C14orf93: variants seen among roughly 807,000 people sequenced by gnomAD.
C14orf93 encodes uncharacterized protein C14orf93.
Under a neutral mutation model 44.0 loss-of-function variants are expected in C14orf93, and 23 were observed. The ratio of observed to expected loss-of-function variants is 0.52; its 90% confidence interval spans 0.38 to 0.74. The LOEUF is 0.74. Ranked by LOEUF, C14orf93 falls within the 30% of genes least tolerant of loss-of-function variation. The probability of loss-of-function intolerance (pLI) is 0.00; values close to 1 mark genes in which losing one functional copy is unlikely to be tolerated. For missense variants in C14orf93, 579 were observed against 678.9 expected (o/e 0.85, Z 1.64); for synonymous variants, 253 against 265.7 (o/e 0.95, Z 0.46).
chr14:22,991,712 AGG>A (rs1175131323), intron 3 of C14orf93, among the ~76,000 whole-genome samples: 1 of 151,304 alleles, frequency 6.6e-6, no homozygotes, highest in Non-Finnish European at 1.5e-5. Flanking sequence ...CTGGGACTAC[AGG>A]TGCACCACCA....
Position 22,998,705 on chromosome 14 carries a change from T to C in C14orf93, c.319A>G (p.Ile107Val). 1 of 1,614,216 alleles carries C rather than the reference T, an allele frequency of 6.2e-7. No individual in the cohort carries two copies. The highest frequency in any genetic ancestry group is 1.1e-5 in the South Asian group (1 of 91,088). The change falls in exon 2 of 7, where the codon ATC becomes GTC. Residue 107 changes from isoleucine (I) to valine (V), a missense_variant. Transcript: ENST00000299088. ...CGGCTTTCCCCATCTTCATCAGGGATGGACACTTTCCCTTGCCTCAGGTCA... is the reference window on the plus strand; with the variant it reads ...CGGCTTTCCCCATCTTCATCAGGGACGGACACTTTCCCTTGCCTCAGGTCA... The part of the protein sequence containing the change: ...VGDLRQGKVS[I>V]PDEDGESRAH...
At position 22,996,024 on chromosome 14, in the gene C14orf93, C is replaced by G. The variant is rs574783130; in HGVS notation, c.842G>C (p.Gly281Ala). The change falls in exon 3 of 7, where the codon GGG becomes GCG. Residue 281 changes from glycine (G) to alanine (A), a missense_variant. Physicochemically the swap from Gly to Ala is moderately conservative, Grantham distance 60. Coordinates refer to ENST00000299088, the MANE Select transcript of C14orf93 (RefSeq NM_021944.4). This position sits in a 1 kb window ranked among gnomAD's most constrained non-coding sequence, Gnocchi z 4.1. Reference protein sequence around the residue: ...GSTGELRHSLGLTVSPCRTRG... With the variant: ...GSTGELRHSLALTVSPCRTRG... Reference sequence around the variant, plus strand: ...GGTCCTGCATGGGGAAACGGTCAGCCCTAGAGAGTGTCTCAGCTCCCCAGT... The same window carrying G: ...GGTCCTGCATGGGGAAACGGTCAGCGCTAGAGAGTGTCTCAGCTCCCCAGT... The G allele has an allele frequency of 3.7e-6, 6 of 1,614,132 alleles. No homozygotes were observed. The highest frequency in any genetic ancestry group is 5.1e-6 in the Non-Finnish European group (6 of 1,180,018).
intron 1 of C14orf93, among the ~76,000 whole-genome samples, chr14:22,999,695 T>A (rs138515252): frequency 8.5e-5 from 13 of 152,224 alleles, no homozygotes; most frequent in Non-Finnish European, 1.3e-4. Context: ...TTTTAACTGA[T>A]ACCACTTTTT....
At position 22,998,469 on chromosome 14, in the gene C14orf93, C is replaced by T. The variant is rs1480171621; in HGVS notation, c.555G>A (p.Gly185=). ...PATQRDMRLP[G]CTLAASEAAP... is the part of the protein sequence containing the mutation. ...CCGCCTCGCTGGCAGCCAGCGTGCA[C>T]CCTGGGAGCCGCATGTCCCTCTGAG... Residue 185 remains glycine, a synonymous_variant, in exon 2 of 7, where the codon GGG becomes GGA. Coordinates refer to ENST00000299088, the MANE Select transcript of C14orf93 (RefSeq NM_021944.4). 2 of 1,607,018 alleles carry T rather than the reference C, an allele frequency of 1.2e-6. No homozygotes were observed. Among genetic ancestry groups the T allele is most frequent in the Non-Finnish European group, 1.7e-6 (2 of 1,176,750 alleles).
rs566757021 is a variant in C14orf93, at chr14:22,992,969, TC to T, written c.919-2843del. 2.9e-3 allele frequency among the ~76,000 whole-genome samples: 436 copies of T among 152,244 alleles called. 2 individuals are homozygous for T. The highest frequency in any genetic ancestry group is 9.9e-3 in the African/African-American group (411 of 41,542). On this transcript the variant is annotated intron_variant, in intron 3 of 6. Coordinates refer to ENST00000299088, the MANE Select transcript of C14orf93 (RefSeq NM_021944.4). ...GTCTCAGCTCACTGCAACCTCCGCC[TC>T]CCAGGTTCAAGTGATTCTCCTACCT...
chr14:22,995,405 C>G (rs111745486), intron 3 of C14orf93, among the ~76,000 whole-genome samples: 510 of 152,302 alleles, frequency 3.3e-3, no homozygotes, highest in African/African-American at 7.0e-3. Flanking sequence ...GAAGGCTGGG[C>G]ATGGTGGCTC....
In C14orf93 at chr14:22,988,026, GGGAA is replaced by G. The variant is rs768949569; in HGVS notation, c.1085-15_1085-12del. 15 of 1,585,312 alleles carry G rather than the reference GGGAA, an allele frequency of 9.5e-6. No homozygotes were observed. Among genetic ancestry groups the G allele is most frequent in the African/African-American group, 1.3e-5 (1 of 74,182 alleles). ...AGGCCACACAGGCTCCTGGCGGGGA[GGGAA>G]GGAAGGGAGCAAGAAGGAGGGTCCT... On this transcript the variant is annotated splice_polypyrimidine_tract_variant and intron_variant, in intron 5 of 6. Coordinates refer to ENST00000299088, the MANE Select transcript of C14orf93 (RefSeq NM_021944.4).
intron 5 of C14orf93, among the ~76,000 whole-genome samples, chr14:22,989,386 A>G (rs1453063116): frequency 1.3e-5 from 2 of 152,220 alleles, no homozygotes; most frequent in Non-Finnish European, 2.9e-5. Context: ...CTGGGAAATA[A>G]TATTTAGGGA....
At chr14:23,002,600 T>C (rs1395135149) in intron 1 of C14orf93, 1 of 152,240 alleles carries the variant, frequency 6.6e-6, no homozygotes, top group Non-Finnish European at 1.5e-5. Flanking sequence ...ACATAATATA[T>C]GTAAGGCACC....
chr14:22,999,236 G>T lies in C14orf93; in HGVS notation c.-213C>A. The stretch of plus-strand genomic sequence containing the variant: ...TCCTCGGCCTGCAGAAGGGAGACAG[G>T]TGCCTTCTATTTGCAGATCCTGTGC... On this transcript the variant is annotated 5_prime_UTR_variant, in exon 2 of 7. Transcript: ENST00000299088. 1 of 628,316 alleles carries T rather than the reference G, an allele frequency of 1.6e-6. No homozygotes were observed. The highest frequency in any genetic ancestry group is 2.6e-6 in the Non-Finnish European group (1 of 386,096). The allele number at this position is 628,316 out of a possible 1,614,324, so 38.9% of individuals were successfully genotyped here. A position where few individuals can be genotyped will look rare whatever the true frequency, so the allele number is the denominator to read the frequency against.
At chr14:23,000,877 G>A (rs1389127312) in intron 1 of C14orf93, 2 of 152,150 alleles carry the variant, frequency 1.3e-5, no homozygotes, top group Non-Finnish European at 2.9e-5. Context: ...TTAATTACAT[G>A]TGGTTATTAA....
At chr14:23,001,449 TC>T (rs1274843033) in intron 1 of C14orf93, among the ~76,000 whole-genome samples, 1 of 152,060 alleles carries the variant, frequency 6.6e-6, no homozygotes, top group East Asian at 1.9e-4. Flanking sequence ...CTCAAGCTCT[TC>T]CCCTCTCTTT....
intron 1 of C14orf93, among the ~76,000 whole-genome samples, chr14:23,007,686 C>T (rs1418604705): frequency 6.6e-6 from 1 of 152,034 alleles, no homozygotes; most frequent in Non-Finnish European, 1.5e-5. Context: ...GGATATGACC[C>T]TACGTTCCTG....
At chr14:23,000,243 T>C (rs1481267261) in intron 1 of C14orf93, 1 of 152,134 alleles carries the variant, frequency 6.6e-6, no homozygotes, top group Non-Finnish European at 1.5e-5. Flanking sequence ...GGTAAAGAAG[T>C]TGATTTGTAC....
In C14orf93 at chr14:22,998,627, C is replaced by T; in HGVS notation, c.397G>A (p.Glu133Lys). 1 of 1,613,970 alleles carries T rather than the reference C, an allele frequency of 6.2e-7. No individual in the cohort carries two copies. The highest frequency in any genetic ancestry group is 8.5e-7 in the Non-Finnish European group (1 of 1,179,824). Residue 133 changes from glutamate (E) to lysine (K), a missense_variant, in exon 2 of 7, where the codon GAA (glutamate) becomes AAA (lysine). Glu to Lys is a moderately conservative substitution (Grantham distance 56, BLOSUM62 1). Coordinates refer to ENST00000299088, the MANE Select transcript of C14orf93 (RefSeq NM_021944.4). ...EPGPLKESPG[E>K]AFKALSAVEE... The stretch of plus-strand genomic sequence containing the variant: ...ACGGCAGACAGAGCCTTAAAGGCTT[C>T]CCCGGGACTTTCCTTGAGAGGCCCA...
chr14:22,989,595 G>C (rs2045464103), intron 5 of C14orf93, 147 bp downstream of exon 5: 1 of 617,570 alleles, frequency 1.6e-6, no homozygotes, highest in Admixed American at 2.9e-5. Flanking sequence ...TATATTGAAG[G>C]TGAGAATAGC....
chr14:22,995,018 C>G (rs1411172225), intron 3 of C14orf93, among the ~76,000 whole-genome samples: 1 of 152,230 alleles, frequency 6.6e-6, no homozygotes, highest in African/African-American at 2.4e-5. Flanking sequence ...TTGAGAACTA[C>G]TGCCCTAGAA....
Position 22,995,975 on chromosome 14 carries a change from G to A in C14orf93, c.891C>T (p.Ser297=). Residue 297 remains serine (S), a synonymous_variant, in exon 3 of 7, where the codon TCC becomes TCT. Coordinates refer to ENST00000299088, the MANE Select transcript of C14orf93 (RefSeq NM_021944.4). Reference sequence around the variant, plus strand: ...AGAGTACAAGATCCCGCTTGCGCCTGGAGTTCTTCTGCCCACTTCCTCTGG... The same window carrying A: ...AGAGTACAAGATCCCGCTTGCGCCTAGAGTTCTTCTGCCCACTTCCTCTGG... ...CRTRGSGQKN[S]RRKRDLVLSK... is the part of the protein sequence containing the mutation. The A allele has an allele frequency of 1.2e-6, 2 of 1,602,588 alleles. No homozygotes were observed. Among genetic ancestry groups the A allele is most frequent in the Non-Finnish European group, 8.5e-7 (1 of 1,172,400 alleles).
At position 22,987,680 on chromosome 14, in the gene C14orf93, T is replaced by C. The variant is rs377648828; in HGVS notation, c.1198-46A>G. 7 of 1,519,380 alleles carry C rather than the reference T, an allele frequency of 4.6e-6. No homozygotes were observed. The African/African-American group carries it at 9.7e-5, about 21-fold the overall frequency. The allele number at this position is 1,519,380 out of a possible 1,614,324, so 94.1% of individuals were successfully genotyped here. A position where few individuals can be genotyped will look rare whatever the true frequency, so the allele number is the denominator to read the frequency against. ...ATAGATTAGGAAGGTAAACATTCTA[T>C]GGATTAGATTTGGGGAAAAGGTTTG... On this transcript the variant is annotated intron_variant, in intron 6 of 6. Transcript: ENST00000299088. The surrounding 1 kb of genome is among the most constrained non-coding windows in gnomAD (Gnocchi z 5.6).
Sources: gnomAD v4.1 joint callset for allele counts (sites outside exome capture counted in the v4.1 genomes callset) on GRCh38, gnomAD v4.1.1 for gene constraint, Gnocchi (gnomAD v3.1) non-coding constraint, MANE v1.5 for transcripts, NCBI Gene and HGNC (gene_info 2026-07-23, HGNC 2026-07-21) for gene names.